Variants in PRKG1 observed in about 807,000 individuals in gnomAD.
PRKG1 encodes the protein protein kinase cGMP-dependent 1.
PRKG1 carries 35 observed loss-of-function variants against 88.1 expected under a neutral mutation model. The ratio of observed to expected loss-of-function variants is 0.40; its 90% CI spans 0.30 to 0.53. The LOEUF is 0.53. PRKG1 is among the 20% of genes least tolerant of loss of function. The pLI is 0.59. For missense variants in PRKG1, 540 were observed against 839.8 expected (o/e 0.64, Z 4.41); for synonymous variants, 303 against 292.5 (o/e 1.04, Z -0.37).
intron 5 of PRKG1, among the ~76,000 whole-genome samples, chr10:51,954,924 T>G (rs1843268097): frequency 6.6e-6 from 1 of 152,264 alleles, no homozygotes; most frequent in East Asian, 1.9e-4. Context: ...TATCAACATT[T>G]TGCTATCTTT....
chr10:52,154,070 G>T (rs1403673685), intron 8 of PRKG1, among the ~76,000 whole-genome samples: 2 of 74,550 alleles, frequency 2.7e-5, no homozygotes, highest in Admixed American at 2.4e-4. Flanking sequence ...ATTCAAAATG[G>T]AACAAGTGAT....
At chr10:51,071,547 A>G (rs1328297321), upstream of PRKG1, among the ~76,000 whole-genome samples, 1 of 152,204 alleles carries the variant, frequency 6.6e-6, no homozygotes, top group East Asian at 1.9e-4. Context: ...TCAATATCAG[A>G]TTCATCCTGG....
At chr10:52,292,444 G>A (rs1456465079) in intron 17 of PRKG1, among the ~76,000 whole-genome samples, 6 of 151,856 alleles carry the variant, frequency 4.0e-5, no homozygotes, top group Non-Finnish European at 7.4e-5. Flanking sequence ...TTTGTATAAG[G>A]TGTAAGGAAG....
chr10:51,457,263 A>C (rs1307787503), intron 2 of PRKG1, among the ~76,000 whole-genome samples: 1 of 152,202 alleles, frequency 6.6e-6, no homozygotes, highest in Non-Finnish European at 1.5e-5. Context: ...AAAATGAAAT[A>C]ATGGCATTAG....
chr10:52,244,006 A>G (rs1170204175), intron 9 of PRKG1, among the ~76,000 whole-genome samples: 1 of 152,122 alleles, frequency 6.6e-6, no homozygotes, highest in East Asian at 1.9e-4. Flanking sequence ...AAATTCCCTG[A>G]AGAAGAGATT....
At chr10:51,100,863 A>G (rs1303933307) in intron 1 of PRKG1, among the ~76,000 whole-genome samples, 2 of 152,188 alleles carry the variant, frequency 1.3e-5, no homozygotes, top group African/African-American at 2.4e-5. Flanking sequence ...GATTAGCCCA[A>G]TGCTGAGGCA....
intron 2 of PRKG1, among the ~76,000 whole-genome samples, chr10:51,323,766 G>A (rs2132513422): frequency 6.6e-6 from 1 of 152,274 alleles, no homozygotes; most frequent in East Asian, 1.9e-4. Flanking sequence ...GCTAAGATGG[G>A]TCTAGAGACC....
intron 9 of PRKG1, among the ~76,000 whole-genome samples, chr10:52,175,418 A>G (rs1393716592): frequency 6.6e-6 from 1 of 152,022 alleles, no homozygotes; most frequent in Non-Finnish European, 1.5e-5. Flanking sequence ...GGTTGATTCC[A>G]TATCTTGGCT....
At chr10:51,699,068 A>C (rs767222617) in intron 3 of PRKG1, 1 of 1,614,226 alleles carries the variant, frequency 6.2e-7, no homozygotes, top group Non-Finnish European at 8.5e-7. Context: ...TTGAAGTAAC[A>C]TGTTTCGAGC....
At chr10:51,081,750 T>C (rs1321587458) in intron 1 of PRKG1, among the ~76,000 whole-genome samples, 1 of 152,216 alleles carries the variant, frequency 6.6e-6, no homozygotes, top group Non-Finnish European at 1.5e-5. Flanking sequence ...CTTTCATTGA[T>C]TGAATGATTG....
intron 3 of PRKG1, among the ~76,000 whole-genome samples, chr10:51,670,299 T>A (rs1840525001): frequency 6.6e-6 from 1 of 152,086 alleles, no homozygotes; most frequent in East Asian, 1.9e-4. Context: ...TGTTGAAGTA[T>A]ACGTACAGCA....
chr10:51,532,850 T>A (rs949824713), intron 3 of PRKG1, among the ~76,000 whole-genome samples: 2 of 152,206 alleles, frequency 1.3e-5, no homozygotes, highest in African/African-American at 2.4e-5. Flanking sequence ...TCCTTCTCCC[T>A]CTTTCCCCTC....
intron 5 of PRKG1, among the ~76,000 whole-genome samples, chr10:51,937,074 A>G (rs1367014648): frequency 6.6e-6 from 1 of 151,932 alleles, no homozygotes; most frequent in Non-Finnish European, 1.5e-5. Context: ...TTAGCTTTAC[A>G]CTCTAGAGTT....
chr10:51,387,450 C>A (rs1837282199), intron 2 of PRKG1, among the ~76,000 whole-genome samples: 1 of 151,710 alleles, frequency 6.6e-6, no homozygotes, highest in Non-Finnish European at 1.5e-5. Context: ...TGTAGCCAGT[C>A]ATTTTTCTTT....
chr10:51,317,728 C>T (rs921250481), intron 2 of PRKG1, among the ~76,000 whole-genome samples: 2 of 152,186 alleles, frequency 1.3e-5, no homozygotes, highest in Non-Finnish European at 2.9e-5. Context: ...CAACTCCTGT[C>T]ACCATGCTCT....
At chr10:52,114,457 T>A (rs569560550) in intron 7 of PRKG1, among the ~76,000 whole-genome samples, 7 of 152,068 alleles carry the variant, frequency 4.6e-5, no homozygotes, top group African/African-American at 7.2e-5. Context: ...TCGTTCTTTT[T>A]TTTTTCCTTT....
At chr10:52,272,899 T>C (rs1328910624) in intron 12 of PRKG1, among the ~76,000 whole-genome samples, 1 of 152,208 alleles carries the variant, frequency 6.6e-6, no homozygotes, top group South Asian at 2.1e-4. Context: ...TTTTGTGACA[T>C]TGTGAATTTT....
chr10:51,939,692 A>G (rs1391526252), intron 5 of PRKG1, among the ~76,000 whole-genome samples: 1 of 151,784 alleles, frequency 6.6e-6, no homozygotes, highest in Non-Finnish European at 1.5e-5. Context: ...TTTAGGGAGT[A>G]GAGTCCTTAA....
At chr10:51,189,012 C>G (rs1370588688) in intron 2 of PRKG1, among the ~76,000 whole-genome samples, 1 of 151,866 alleles carries the variant, frequency 6.6e-6, no homozygotes, top group Non-Finnish European at 1.5e-5. Context: ...GAAAGTATTA[C>G]TCTGGACCCA....
Sources: gnomAD v4.1 joint callset for allele counts (sites outside exome capture counted in the v4.1 genomes callset) on GRCh38, gnomAD v4.1.1 for gene constraint, MANE v1.5 for transcripts, NCBI Gene and HGNC (gene_info 2026-07-23, HGNC 2026-07-21) for gene names.